Variants in CDYL2 observed in about 807,000 individuals in gnomAD.
The protein encoded by CDYL2 is chromodomain Y-like protein 2.
In CDYL2, 23 loss-of-function variants were observed where a neutral mutation model predicts 49.4. That is an observed-to-expected ratio of 0.47 (90% confidence interval 0.34 to 0.66). CDYL2 has a LOEUF of 0.66. Among genes scored for constraint, CDYL2 ranks in the 30% least tolerant of loss-of-function variants. The pLI, the probability that CDYL2 is intolerant of heterozygous loss-of-function variation, is 0.01. For missense variants in CDYL2, 678 were observed against 656.4 expected (o/e 1.03, Z -0.36); for synonymous variants, 360 against 268.8 (o/e 1.34, Z -3.32).
intron 1 of CDYL2, among the ~76,000 whole-genome samples, chr16:80,785,835 C>G (rs1907418332): frequency 1.3e-5 from 2 of 152,158 alleles, no homozygotes; most frequent in Admixed American, 1.3e-4. Flanking sequence ...CGATCTTTGA[C>G]CAACCCGACA....
intron 2 of CDYL2, among the ~76,000 whole-genome samples, chr16:80,636,461 T>C (rs1194353247): frequency 6.6e-6 from 1 of 152,140 alleles, no homozygotes; most frequent in African/African-American, 2.4e-5. Context: ...AAAAAGCTCA[T>C]CATCACCGGT....
At chr16:80,626,725 G>C (rs867706068) in intron 3 of CDYL2, among the ~76,000 whole-genome samples, 4 of 152,216 alleles carry the variant, frequency 2.6e-5, no homozygotes, top group Admixed American at 6.5e-5. Context: ...CACTATTAAA[G>C]ACTCCACAGG....
At chr16:80,671,810 G>A (rs930607116) in intron 2 of CDYL2, among the ~76,000 whole-genome samples, 2 of 152,262 alleles carry the variant, frequency 1.3e-5, no homozygotes, top group African/African-American at 4.8e-5. Flanking sequence ...GATGGAGTTA[G>A]AAGGATATGG....
intron 2 of CDYL2, among the ~76,000 whole-genome samples, chr16:80,682,017 G>A (rs915051458): frequency 8.5e-5 from 13 of 152,156 alleles, no homozygotes; most frequent in African/African-American, 4.8e-5. Context: ...CTCAAAATGC[G>A]GTAGAGTCAC....
At chr16:80,701,540 C>G (rs1904301031) in intron 1 of CDYL2, among the ~76,000 whole-genome samples, 1 of 151,884 alleles carries the variant, frequency 6.6e-6, no homozygotes, top group South Asian at 2.1e-4. Flanking sequence ...TGAGCACATT[C>G]CAAAAAACAA....
At chr16:80,735,389 T>G (rs1905484615) in intron 1 of CDYL2, among the ~76,000 whole-genome samples, 1 of 152,202 alleles carries the variant, frequency 6.6e-6, no homozygotes, top group Admixed American at 6.5e-5. Flanking sequence ...GTTTTCCCCT[T>G]CTCTATGCAT....
intron 2 of CDYL2, among the ~76,000 whole-genome samples, chr16:80,680,405 G>T (rs553060227): frequency 6.6e-6 from 1 of 152,190 alleles, no homozygotes; most frequent in African/African-American, 2.4e-5. Flanking sequence ...AACGCTGCAA[G>T]TCTTTATGCT....
At position 80,615,378 on chromosome 16, in the gene CDYL2, C is replaced by T. The variant is rs573780418; in HGVS notation, c.1008-2542G>A. On this transcript the variant is annotated intron_variant, in intron 4 of 6. Transcript: ENST00000570137. Reference sequence around the variant, plus strand: ...GTCAAACATCCCATTCCTGAGTGACCTCATACAATTCCAGAGTCTTAGATC... The same window carrying T: ...GTCAAACATCCCATTCCTGAGTGACTTCATACAATTCCAGAGTCTTAGATC... Among the ~76,000 whole-genome samples the T allele has an allele frequency of 6.6e-5, 10 of 152,232 alleles. No homozygotes were observed. The East Asian group carries it at 1.2e-3, about 18-fold the overall frequency.
chr16:80,636,126 A>G (rs191111941), intron 2 of CDYL2, among the ~76,000 whole-genome samples: 233 of 152,348 alleles, frequency 1.5e-3, no homozygotes, highest in African/African-American at 5.1e-3. Context: ...CCTAGGCAAT[A>G]CCATTCAGGA....
chr16:80,657,100 T>C (rs1287508655), intron 2 of CDYL2, among the ~76,000 whole-genome samples: 1 of 152,088 alleles, frequency 6.6e-6, no homozygotes, highest in Non-Finnish European at 1.5e-5. Flanking sequence ...CACACCAAAA[T>C]ACCAAAACTT....
At chr16:80,617,857 G>C (rs144444001) in intron 4 of CDYL2, among the ~76,000 whole-genome samples, 43 of 152,274 alleles carry the variant, frequency 2.8e-4, no homozygotes, top group African/African-American at 1.0e-3. Flanking sequence ...CAGAAATCTG[G>C]TTAGCATAGG....
At chr16:80,715,583 C>T (rs1858198985) in intron 1 of CDYL2, among the ~76,000 whole-genome samples, 1 of 152,192 alleles carries the variant, frequency 6.6e-6, no homozygotes, top group Non-Finnish European at 1.5e-5. Context: ...TCCGGCCTCC[C>T]TTTCCTCCAC....
intron 2 of CDYL2, among the ~76,000 whole-genome samples, chr16:80,663,567 T>A (rs1372047088): frequency 6.6e-6 from 1 of 152,172 alleles, no homozygotes; most frequent in African/African-American, 2.4e-5. Flanking sequence ...CTAAGTAATC[T>A]TATGATGTTC....
chr16:80,680,495 A>G (rs949613430), intron 2 of CDYL2, among the ~76,000 whole-genome samples: 3 of 152,166 alleles, frequency 2.0e-5, no homozygotes, highest in Non-Finnish European at 2.9e-5. Context: ...TCCATAGAAC[A>G]CTGATGCTTT....
At chr16:80,681,657 G>A (rs1909971511) in intron 2 of CDYL2, among the ~76,000 whole-genome samples, 2 of 152,192 alleles carry the variant, frequency 1.3e-5, no homozygotes, top group Non-Finnish European at 2.9e-5. Flanking sequence ...GCTGATGGTG[G>A]CTGGGACAAT....
intron 1 of CDYL2, among the ~76,000 whole-genome samples, chr16:80,784,398 C>T (rs1056878342): frequency 6.6e-6 from 1 of 152,024 alleles, no homozygotes; most frequent in African/African-American, 2.4e-5. Context: ...GCAATTTAGG[C>T]TCTGGTTTTT....
chr16:80,799,397 C>T (rs554239200), intron 1 of CDYL2, among the ~76,000 whole-genome samples: 4 of 152,182 alleles, frequency 2.6e-5, no homozygotes, highest in African/African-American at 4.8e-5. Flanking sequence ...AACTATATCT[C>T]CCACTGGGCT....
At chr16:80,719,307 G>A (rs74030403) in intron 1 of CDYL2, among the ~76,000 whole-genome samples, 298 of 152,270 alleles carry the variant, frequency 2.0e-3, no homozygotes, top group African/African-American at 7.0e-3. Flanking sequence ...TGGGCCTTGA[G>A]CAAGTCTTCT....
At chr16:80,680,189 G>A (rs187108407) in intron 2 of CDYL2, among the ~76,000 whole-genome samples, 1 of 152,346 alleles carries the variant, frequency 6.6e-6, no homozygotes, top group Admixed American at 6.5e-5. Context: ...TGTTGCGTGT[G>A]TGTGTTGTGT....
Sources: gnomAD v4.1 joint callset for allele counts (sites outside exome capture counted in the v4.1 genomes callset) on GRCh38, gnomAD v4.1.1 for gene constraint, MANE v1.5 for transcripts, NCBI Gene and HGNC (gene_info 2026-07-23, HGNC 2026-07-21) for gene names.